The following ARHGAP42 variants were observed in gnomAD, a reference collection of about 807,000 sequenced individuals.
ARHGAP42 encodes rho GTPase-activating protein 42.
Under a neutral mutation model 125.0 loss-of-function variants are expected in ARHGAP42, and 63 were observed. That is an observed-to-expected ratio of 0.50 (90% confidence interval 0.41 to 0.62). ARHGAP42 has a LOEUF of 0.62. ARHGAP42 is among the 20% of genes least tolerant of loss of function. The pLI, the probability that ARHGAP42 is intolerant of heterozygous loss-of-function variation, is 0.00. For synonymous variants in ARHGAP42, 339 were observed against 351.0 expected (o/e 0.97, Z 0.38); for missense variants, 766 against 1,024.2 (o/e 0.75, Z 3.44).
intron 4 of ARHGAP42, among the ~76,000 whole-genome samples, chr11:100,883,958 T>C (rs1355573929): frequency 6.6e-6 from 1 of 152,248 alleles, no homozygotes; most frequent in Non-Finnish European, 1.5e-5. Context: ...AATTCAATGC[T>C]AGAATTTAAT....
intron 1 of ARHGAP42, among the ~76,000 whole-genome samples, chr11:100,727,474 C>G (rs920589033): frequency 4.6e-5 from 7 of 152,162 alleles, no homozygotes; most frequent in African/African-American, 1.7e-4. Context: ...TGGATAAGGG[C>G]TGGTCACCGG....
chr11:100,926,271 G>A (rs638962), intron 6 of ARHGAP42, among the ~76,000 whole-genome samples: 27,428 of 152,158 alleles, frequency 0.18, 3,774 homozygotes, highest in African/African-American at 0.39. Context: ...TTATGAAGTA[G>A]TTGTTAGATG....
intron 2 of ARHGAP42, among the ~76,000 whole-genome samples, chr11:100,778,144 GC>G (rs1863174828): frequency 6.6e-6 from 1 of 151,820 alleles, no homozygotes; most frequent in Non-Finnish European, 1.5e-5. Flanking sequence ...CTGTACTGCA[GC>G]CTGGGTAACA....
chr11:100,901,470 C>A (rs1183404420), intron 4 of ARHGAP42, among the ~76,000 whole-genome samples: 1 of 152,238 alleles, frequency 6.6e-6, no homozygotes. Context: ...ACACTGAAGT[C>A]TGCAGAAGTT....
chr11:100,903,117 G>GCGCA (rs373508179), intron 4 of ARHGAP42, among the ~76,000 whole-genome samples: 148 of 132,016 alleles, frequency 1.1e-3, no homozygotes, highest in South Asian at 3.2e-3. Flanking sequence ...TCCAAGATGC[G>GCGCA]CACACACACA....
At chr11:100,773,782 T>C (rs1367538206) in intron 2 of ARHGAP42, among the ~76,000 whole-genome samples, 1 of 152,228 alleles carries the variant, frequency 6.6e-6, no homozygotes, top group Non-Finnish European at 1.5e-5. Flanking sequence ...AGGTGTGAAT[T>C]GATCAGTAGG....
At chr11:100,872,427 G>A (rs902993902) in intron 4 of ARHGAP42, among the ~76,000 whole-genome samples, 1 of 151,618 alleles carries the variant, frequency 6.6e-6, no homozygotes, top group African/African-American at 2.4e-5. Flanking sequence ...ATAGAATCTC[G>A]CTCTGTCACC....
intron 1 of ARHGAP42, among the ~76,000 whole-genome samples, chr11:100,747,227 C>T (rs1243491947): frequency 6.6e-6 from 1 of 152,112 alleles, no homozygotes; most frequent in African/African-American, 2.4e-5. Context: ...CTTTATAGTC[C>T]TTGGTGCCTT....
intron 2 of ARHGAP42, among the ~76,000 whole-genome samples, chr11:100,782,313 C>T (rs73007646): frequency 0.018 from 2,811 of 152,298 alleles, 30 homozygotes; most frequent in Non-Finnish European, 0.028. Context: ...TCAGAGATTA[C>T]ATGCATCACA....
chr11:100,919,617 G>C (rs116699897), intron 5 of ARHGAP42, among the ~76,000 whole-genome samples: 2,118 of 152,076 alleles, frequency 0.014, 52 homozygotes, highest in African/African-American at 0.048. Flanking sequence ...GCCCAGGCTG[G>C]TCTTGAACTC....
At chr11:100,774,862 G>C (rs970031925) in intron 2 of ARHGAP42, among the ~76,000 whole-genome samples, 1 of 152,164 alleles carries the variant, frequency 6.6e-6, no homozygotes, top group African/African-American at 2.4e-5. Flanking sequence ...TTTGGCCTGT[G>C]CTTGCTGGGT....
At position 100,992,874 on chromosome 11, in the gene ARHGAP42, TTAG is replaced by T. The variant is rs1009020800; in HGVS notation, c.*4074_*4076del. 3 of 684,402 alleles carry T rather than the reference TTAG, an allele frequency of 4.4e-6. No homozygotes were observed. In the African/African-American group the frequency reaches 5.5e-5, roughly 13 times the overall value. The allele number at this position is 684,402 out of a possible 1,614,324, so 42.4% of individuals were successfully genotyped here. A position where few individuals can be genotyped will look rare whatever the true frequency, so the allele number is the denominator to read the frequency against. ...CCAATGATTACAAGGTGTCTGTGGT[TTAG>T]GGGGCCCAGCCCATCATTCCTTTTC... On this transcript the variant is annotated 3_prime_UTR_variant, in exon 24 of 24. Transcript: ENST00000298815.
chr11:100,835,752 T>C (rs912245479), intron 3 of ARHGAP42, among the ~76,000 whole-genome samples: 1 of 151,780 alleles, frequency 6.6e-6, no homozygotes, highest in Admixed American at 6.6e-5. Context: ...ATAAGTAATA[T>C]GGTATATATG....
chr11:100,855,837 T>A (rs1033416317), intron 3 of ARHGAP42, among the ~76,000 whole-genome samples: 2 of 152,134 alleles, frequency 1.3e-5, no homozygotes, highest in African/African-American at 4.8e-5. Context: ...CACCAGTAAT[T>A]GTTTTTTACT....
At chr11:100,722,429 G>T (rs1861776447) in intron 1 of ARHGAP42, among the ~76,000 whole-genome samples, 1 of 142,256 alleles carries the variant, frequency 7.0e-6, no homozygotes, top group Non-Finnish European at 1.5e-5. Context: ...GTCTCGCTCT[G>T]TTGCCCAGGC....
intron 12 of ARHGAP42, 97 bp from the exon 13 acceptor site, chr11:100,959,786 C>G (rs1857907187): frequency 8.7e-7 from 1 of 1,148,308 alleles, no homozygotes; most frequent in Non-Finnish European, 1.3e-6. Context: ...AAAAACCTCT[C>G]TACTGTTGAG....
intron 1 of ARHGAP42, among the ~76,000 whole-genome samples, chr11:100,756,537 G>C (rs117727365): frequency 1.5e-3 from 225 of 152,312 alleles, no homozygotes; most frequent in Non-Finnish European, 2.7e-3. Context: ...AATGCTTAGA[G>C]AGTTGAAAAC....
At chr11:100,730,551 G>A (rs369967758) in intron 1 of ARHGAP42, among the ~76,000 whole-genome samples, 13 of 152,238 alleles carry the variant, frequency 8.5e-5, no homozygotes, top group African/African-American at 2.2e-4. Context: ...TCCTTCTTTC[G>A]CAAGGGCTAT....
intron 22 of ARHGAP42, among the ~76,000 whole-genome samples, chr11:100,984,108 C>T (rs543103461): frequency 1.3e-5 from 2 of 150,028 alleles, no homozygotes; most frequent in South Asian, 4.2e-4. Context: ...CCCAGTGAGA[C>T]CCTGTCTAAA....
Sources: allele counts gnomAD v4.1 joint callset (sites outside exome capture counted in the v4.1 genomes callset), GRCh38; gene constraint gnomAD v4.1.1; transcripts MANE v1.5; gene names NCBI Gene and HGNC (gene_info 2026-07-23, HGNC 2026-07-21).